Variants in TRIM27 observed in about 807,000 individuals in gnomAD.
TRIM27 encodes tripartite motif containing 27.
In TRIM27, 12 loss-of-function variants were observed where a neutral mutation model predicts 57.6. The observed-to-expected ratio is 0.21, with a 90% confidence interval of 0.13 to 0.34. TRIM27 has a LOEUF of 0.34. TRIM27 is among the 10% of genes least tolerant of loss of function. The pLI is 1.00. For missense variants in TRIM27, 403 were observed against 656.8 expected (o/e 0.61, Z 4.22); for synonymous variants, 266 against 259.0 (o/e 1.03, Z -0.26).
rs138664388 is a variant in TRIM27 at position 28,920,057 on chromosome 6, A to G, written c.702T>C (p.Ala234=). 19 of 1,613,912 alleles carry G rather than the reference A, an allele frequency of 1.2e-5. No homozygotes were observed. Among genetic ancestry groups the G allele is most frequent in the Non-Finnish European group, 1.6e-5 (19 of 1,180,016 alleles). The change falls in exon 3 of 8, where the codon GCT becomes GCC. Residue 234 remains alanine (A), a synonymous_variant. Coordinates refer to ENST00000377199, the MANE Select transcript of TRIM27 (RefSeq NM_006510.5). ...GCTGCTGCTGCTTCTCTTCTAGCTG[A>G]GCGATCAGGCTGCTGAGGTGGGAGA... is the stretch of plus-strand genomic sequence containing the variant. The part of the protein sequence containing the change: ...CNISHLSSLI[A]QLEEKQQQPT...
intron 3 of TRIM27, among the ~76,000 whole-genome samples, chr6:28,916,687 A>G (rs1273595316): frequency 6.6e-6 from 1 of 152,198 alleles, no homozygotes; most frequent in Admixed American, 6.5e-5. Flanking sequence ...TGATTGCTTA[A>G]TAGTGTGAGG....
At chr6:28,909,941 T>A (rs567195441) in intron 4 of TRIM27, among the ~76,000 whole-genome samples, 6 of 152,168 alleles carry the variant, frequency 3.9e-5, no homozygotes, top group South Asian at 2.1e-4. Flanking sequence ...CTATGAGAAG[T>A]AAGACGTATC....
At chr6:28,911,578 A>G in intron 4 of TRIM27, 118 bp downstream of exon 4, 1 of 978,888 alleles carries the variant, frequency 1.0e-6, no homozygotes, top group South Asian at 1.5e-5. Flanking sequence ...CTTCAGGGAT[A>G]TGTGTCAATT....
intron 4 of TRIM27, chr6:28,911,339 G>GA (rs9256951): frequency 0.081 from 15,237 of 188,152 alleles, 464 homozygotes; most frequent in Non-Finnish European, 0.12. Context: ...CCCCATTACA[G>GA]AAAAAAAAAA....
At position 28,923,490 on chromosome 6, in the gene TRIM27, T is replaced by C; in HGVS notation, c.143A>G (p.Glu48Gly). ...GCACTGCGGGCACGACACGTTAGTC[T>C]CTGCCGTGCCCCAGCAGCGGGCGAG... ...ACLARCWGTA[E>G]TNVSCPQCRE... is the part of the protein sequence containing the mutation. The change falls in exon 1 of 8, where the codon GAG (glutamate) becomes GGG (glycine). Residue 48 changes from glutamate (E) to glycine (G), a missense_variant. Glu to Gly is a moderately conservative substitution (Grantham distance 98, BLOSUM62 -2). Coordinates refer to ENST00000377199, the MANE Select transcript of TRIM27 (RefSeq NM_006510.5). 1 of 1,612,202 alleles carries C rather than the reference T, an allele frequency of 6.2e-7. No homozygotes were observed. Among genetic ancestry groups the C allele is most frequent in the Non-Finnish European group, 8.5e-7 (1 of 1,179,670 alleles).
chr6:28,923,639 G>C lies in TRIM27; in HGVS notation c.-7C>G. ...CCACACTCCCGGAGGCCATGGCGCC[G>C]GCCTGCGGGGGCGCACGGGCATGGG... On this transcript the variant is annotated 5_prime_UTR_variant, in exon 1 of 8. Coordinates refer to ENST00000377199, the MANE Select transcript of TRIM27 (RefSeq NM_006510.5). The C allele has an allele frequency of 6.4e-7, 1 of 1,553,826 alleles. No homozygotes were observed. Among genetic ancestry groups the C allele is most frequent in the Non-Finnish European group, 8.7e-7 (1 of 1,146,510 alleles).
At chr6:28,916,089 G>GT (rs988194814) in intron 3 of TRIM27, among the ~76,000 whole-genome samples, 17 of 151,360 alleles carry the variant, frequency 1.1e-4, no homozygotes, top group African/African-American at 1.7e-4. Context: ...GCTAATTTTT[G>GT]TATTTTTAGT....
rs199868073 is a variant in TRIM27, at chr6:28,916,106, G to A, written c.747+3906C>T. Among the ~76,000 whole-genome samples the A allele has an allele frequency of 3.3e-5, 5 of 151,828 alleles. No individual in the cohort carries two copies. The East Asian group carries it at 7.9e-4, about 24-fold the overall frequency. ...TAATTTTTGTATTTTTAGTAGGGACGGGGTTTCACCATGTTGGCCAGGCTG... is the reference window on the plus strand; with the variant it reads ...TAATTTTTGTATTTTTAGTAGGGACAGGGTTTCACCATGTTGGCCAGGCTG... On this transcript the variant is annotated intron_variant, in intron 3 of 7. Transcript: ENST00000377199.
At chr6:28,917,577 TAAAAAAA>T (rs9280510) in intron 3 of TRIM27, among the ~76,000 whole-genome samples, 1 of 131,256 alleles carries the variant, frequency 7.6e-6, no homozygotes, top group African/African-American at 2.8e-5. Flanking sequence ...GAGTATGTCT[TAAAAAAA>T]AAAAAAAAAG....
chr6:28,907,421 G>T, intron 6 of TRIM27, 159 bp from the exon 7 acceptor site: 1 of 743,322 alleles, frequency 1.3e-6, no homozygotes, highest in South Asian at 1.5e-5. Context: ...ATGATGTATG[G>T]CTCTATCATC....
intron 7 of TRIM27, chr6:28,906,888 T>C (rs961931926): frequency 4.1e-6 from 1 of 246,898 alleles, no homozygotes; most frequent in Non-Finnish European, 7.8e-6. Flanking sequence ...CAATCAGTCC[T>C]GCTTGTCACA....
chr6:28,911,647 G>C (rs1207528984), intron 4 of TRIM27, 49 bp downstream of exon 4: 16 of 1,582,666 alleles, frequency 1.0e-5, no homozygotes, highest in Non-Finnish European at 1.2e-5. Flanking sequence ...ATGTGAAGGA[G>C]ACAGTCTTCT....
chr6:28,910,123 G>GAAAAAAAAAAAAAAAAGAA (rs1773077426), intron 4 of TRIM27, among the ~76,000 whole-genome samples: 2 of 97,622 alleles, frequency 2.0e-5, no homozygotes, highest in Admixed American at 1.2e-4. Context: ...AAAGAAAAAT[G>GAAAAAAAAAAAAAAAAGAA]AAAAAAAAAA....
chr6:28,917,149 A>G (rs1183544726), intron 3 of TRIM27, among the ~76,000 whole-genome samples: 1 of 152,056 alleles, frequency 6.6e-6, no homozygotes, highest in Non-Finnish European at 1.5e-5. Flanking sequence ...TCAAACAACA[A>G]CAATAAAAAC....
At chr6:28,907,143 A>C in intron 7 of TRIM27, 93 bp downstream of exon 7, 1 of 1,244,158 alleles carries the variant, frequency 8.0e-7, no homozygotes, top group South Asian at 1.4e-5. Flanking sequence ...AAGAATCCAA[A>C]TCTAAGCAAT....
chr6:28,911,062 G>A (rs945118356), intron 4 of TRIM27, among the ~76,000 whole-genome samples: 2 of 152,146 alleles, frequency 1.3e-5, no homozygotes, highest in Non-Finnish European at 2.9e-5. Context: ...CACCCCTGAA[G>A]GCATTCTTAC....
At chr6:28,918,078 G>A (rs1186802724) in intron 3 of TRIM27, among the ~76,000 whole-genome samples, 1 of 151,944 alleles carries the variant, frequency 6.6e-6, no homozygotes, top group Non-Finnish European at 1.5e-5. Context: ...TGCCCACCTC[G>A]GCCTCCCAAA....
At chr6:28,922,041 G>C in intron 1 of TRIM27, 54 bp from the exon 2 acceptor site, 1 of 1,317,074 alleles carries the variant, frequency 7.6e-7, no homozygotes, top group Non-Finnish European at 1.1e-6. Flanking sequence ...CTTAGCATCA[G>C]CATGGTACTT....
intron 4 of TRIM27, 43 bp downstream of exon 4, chr6:28,911,653 C>G: frequency 1.9e-6 from 3 of 1,596,988 alleles, no homozygotes; most frequent in Non-Finnish European, 1.7e-6. Flanking sequence ...AGGAGACAGT[C>G]TTCTCATATT....
Sources: gnomAD v4.1 joint callset for allele counts (sites outside exome capture counted in the v4.1 genomes callset) on GRCh38, gnomAD v4.1.1 for gene constraint, MANE v1.5 for transcripts, NCBI Gene and HGNC (gene_info 2026-07-23, HGNC 2026-07-21) for gene names.